Variants in CDC73 observed in about 807,000 individuals in gnomAD.
CDC73 encodes cell division cycle 73, also known as parafibromin.
Under a neutral mutation model 83.7 loss-of-function variants are expected in CDC73, and 21 were observed. The ratio of observed to expected loss-of-function variants is 0.25; its 90% CI spans 0.18 to 0.36. The LOEUF (loss-of-function observed/expected upper bound fraction) is 0.36, where lower values mean the gene tolerates loss of function less well. Among genes scored for constraint, CDC73 ranks in the 10% least tolerant of loss-of-function variants. The pLI is 1.00. For synonymous variants in CDC73, 224 were observed against 212.9 expected (o/e 1.05, Z -0.45); for missense variants, 342 against 653.3 (o/e 0.52, Z 5.19).
intron 10 of CDC73, among the ~76,000 whole-genome samples, chr1:193,167,739 T>C (rs12143361): frequency 0.043 from 6,610 of 152,220 alleles, 139 homozygotes; most frequent in African/African-American, 0.05. Flanking sequence ...AATGAGGGCT[T>C]AGTCTGGTAA....
intron 13 of CDC73, among the ~76,000 whole-genome samples, chr1:193,224,316 T>G (rs113874196): frequency 1.6e-3 from 241 of 150,144 alleles, no homozygotes; most frequent in Non-Finnish European, 2.4e-3. Context: ...TTTGTTAGTG[T>G]TTACTCAATG....
At chr1:193,236,859 G>C (rs1031435097) in intron 15 of CDC73, 5 of 154,536 alleles carry the variant, frequency 3.2e-5, no homozygotes, top group African/African-American at 1.2e-4. Context: ...ACTTCAGCCT[G>C]GGCAACAAGA....
intron 13 of CDC73, among the ~76,000 whole-genome samples, chr1:193,215,814 T>A (rs910308724): frequency 1.3e-5 from 2 of 152,128 alleles, no homozygotes; most frequent in African/African-American, 4.8e-5. Context: ...GGTCTCGAAC[T>A]CCTGGGCCCA....
chr1:193,126,350 CAG>C (rs1469727055), intron 2 of CDC73, among the ~76,000 whole-genome samples: 28 of 152,186 alleles, frequency 1.8e-4, no homozygotes, highest in African/African-American at 5.8e-4. Flanking sequence ...ATTTATTACT[CAG>C]AGGAAATATT....
chr1:193,168,875 T>G (rs1463964507), intron 10 of CDC73, among the ~76,000 whole-genome samples: 1 of 152,218 alleles, frequency 6.6e-6, no homozygotes, highest in Non-Finnish European at 1.5e-5. Flanking sequence ...ATGAATGAGT[T>G]TGGTTGCATT....
chr1:193,253,938 G>A lies in CDC73; in HGVS notation c.*3226G>A, dbSNP rs1015492419. On this transcript the variant is annotated 3_prime_UTR_variant, in exon 17 of 17. Transcript: ENST00000367435. ...ACATTGTTCTTTTTTGGAGGGGTGG[G>A]GAGGAATATTTGTTGAACTAAAGTA... 5 of 222,428 alleles carry A rather than the reference G, an allele frequency of 2.2e-5. No homozygotes were observed. In the South Asian group the frequency reaches 9.3e-4, roughly 41 times the overall value. 13.8% of individuals were successfully genotyped at this position (222,428 alleles called of 1,614,324 possible).
intron 10 of CDC73, chr1:193,181,405 G>C (rs774804871): frequency 1.9e-6 from 3 of 1,613,896 alleles, no homozygotes; most frequent in South Asian, 2.2e-5. Context: ...TTTGAATCCA[G>C]CTCTGCCTGG....
At chr1:193,224,343 A>G (rs914232547) in intron 13 of CDC73, among the ~76,000 whole-genome samples, 13 of 151,024 alleles carry the variant, frequency 8.6e-5, no homozygotes, top group Admixed American at 7.3e-4. Context: ...TTCCATGTAT[A>G]TATATATATA....
chr1:193,157,254 T>C (rs1438918460), intron 10 of CDC73, among the ~76,000 whole-genome samples: 1 of 152,170 alleles, frequency 6.6e-6, no homozygotes, highest in South Asian at 2.1e-4. Context: ...AAAGTTTGTT[T>C]TTCTTCTTCC....
intron 10 of CDC73, among the ~76,000 whole-genome samples, chr1:193,175,528 C>T (rs988827346): frequency 4.6e-5 from 7 of 152,014 alleles, no homozygotes; most frequent in East Asian, 1.9e-4. Context: ...AACCAACTGC[C>T]GATCGAAAAT....
chr1:193,181,696 G>A lies in CDC73; in HGVS notation c.973-22099G>A. 3.4e-6 allele frequency: 3 copies of A among 880,792 alleles called. No homozygotes were observed. The South Asian group carries it at 6.4e-5, about 19-fold the overall frequency. The allele number at this position is 880,792 out of a possible 1,614,324, so 54.6% of individuals were successfully genotyped here. ...CTTGTAGTCATTCTATAAAAATGAAGCACAAAAGTTTACAGAACTGCCTGA... is the reference window on the plus strand; with the variant it reads ...CTTGTAGTCATTCTATAAAAATGAAACACAAAAGTTTACAGAACTGCCTGA... On this transcript the variant is annotated intron_variant, in intron 10 of 16. Coordinates refer to ENST00000367435, the MANE Select transcript of CDC73 (RefSeq NM_024529.5).
At chr1:193,148,719 A>G (rs1413073105) in intron 8 of CDC73, among the ~76,000 whole-genome samples, 3 of 131,036 alleles carry the variant, frequency 2.3e-5, no homozygotes, top group African/African-American at 9.0e-5. Context: ...ATCTTGGCTC[A>G]CTGCAACCTC....
chr1:193,221,894 T>A (rs577055166), intron 13 of CDC73, among the ~76,000 whole-genome samples: 93 of 152,242 alleles, frequency 6.1e-4, no homozygotes, highest in African/African-American at 2.1e-3. Flanking sequence ...AATTGAAACC[T>A]CCTCCACACA....
chr1:193,169,523 C>T (rs1017629424), intron 10 of CDC73, among the ~76,000 whole-genome samples: 11 of 151,750 alleles, frequency 7.2e-5, no homozygotes, highest in African/African-American at 2.4e-4. Context: ...CCAGCCTGGG[C>T]GACATAGCAA....
intron 15 of CDC73, among the ~76,000 whole-genome samples, chr1:193,246,327 A>G (rs1677952968): frequency 6.6e-6 from 1 of 152,056 alleles, no homozygotes; most frequent in Non-Finnish European, 1.5e-5. Flanking sequence ...TTCTGTATAT[A>G]GAGATATACA....
chr1:193,209,587 C>T (rs1379752081), intron 11 of CDC73, among the ~76,000 whole-genome samples: 1 of 152,132 alleles, frequency 6.6e-6, no homozygotes, highest in African/African-American at 2.4e-5. Context: ...TAAGATCAAG[C>T]TTCTCATTGA....
intron 7 of CDC73, among the ~76,000 whole-genome samples, 197 bp from the exon 8 acceptor site, chr1:193,147,670 C>T (rs1676025585): frequency 1.3e-5 from 2 of 152,098 alleles, no homozygotes; most frequent in Admixed American, 1.3e-4. Flanking sequence ...GAAATGAATA[C>T]CATGGGATTT....
intron 2 of CDC73, among the ~76,000 whole-genome samples, chr1:193,126,110 C>G (rs538940099): frequency 3.3e-5 from 5 of 152,144 alleles, no homozygotes; most frequent in African/African-American, 1.2e-4. Flanking sequence ...AAAGAAAACC[C>G]GAAACGCTAA....
chr1:193,156,376 C>G (rs142908697), intron 10 of CDC73, among the ~76,000 whole-genome samples: 1,842 of 152,220 alleles, frequency 0.012, 18 homozygotes, highest in South Asian at 0.034. Context: ...CATCTCACAC[C>G]CTGCAATTAT....
Sources: gnomAD v4.1 joint callset for allele counts (sites outside exome capture counted in the v4.1 genomes callset) on GRCh38, gnomAD v4.1.1 for gene constraint, MANE v1.5 for transcripts, NCBI Gene and HGNC (gene_info 2026-07-23, HGNC 2026-07-21) for gene names.